Variants in KLHL1 observed in about 807,000 individuals in gnomAD.
The protein encoded by KLHL1 is kelch-like protein 1.
In KLHL1, 47 loss-of-function variants were observed where a neutral mutation model predicts 77.7. The observed-to-expected ratio is 0.60, with a 90% CI of 0.48 to 0.77. The LOEUF is 0.77. Ranked by LOEUF, KLHL1 falls within the 30% of genes least tolerant of loss-of-function variation. The probability of loss-of-function intolerance (pLI) is 0.00; values close to 1 mark genes in which losing one functional copy is unlikely to be tolerated. For missense variants in KLHL1, 925 were observed against 910.8 expected (o/e 1.02, Z -0.20); for synonymous variants, 360 against 325.2 (o/e 1.11, Z -1.15).
rs1887148691 is a variant in KLHL1 at position 70,072,006 on chromosome 13, G to A, written c.497+35197C>T. Among the ~76,000 whole-genome samples, 4 of 151,834 alleles carry A rather than the reference G, an allele frequency of 2.6e-5. No homozygotes were observed. In the South Asian group the frequency reaches 8.3e-4, roughly 31 times the overall value. On this transcript the variant is annotated intron_variant, in intron 1 of 10. Transcript: ENST00000377844. ...TTGAAACCAGGAAAACAAAAACAGG[G>A]AAGATCAAAGAAACCAAAAGCTAGC...
intron 10 of KLHL1, 130 bp downstream of exon 10, chr13:69,707,495 A>G (rs1875676855): frequency 4.0e-6 from 3 of 750,092 alleles, no homozygotes; most frequent in East Asian, 5.6e-5. Flanking sequence ...TCAACACAAT[A>G]TTGGATAAAA....
chr13:69,846,218 T>A (rs1368585275), intron 5 of KLHL1, among the ~76,000 whole-genome samples: 2 of 151,562 alleles, frequency 1.3e-5, no homozygotes, highest in East Asian at 3.9e-4. Context: ...ACAGGCAATA[T>A]GTTCTTTCGT....
At chr13:70,056,904 G>A (rs1886756727) in intron 1 of KLHL1, among the ~76,000 whole-genome samples, 1 of 151,896 alleles carries the variant, frequency 6.6e-6, no homozygotes, top group Non-Finnish European at 1.5e-5. Flanking sequence ...TCATTTTAAA[G>A]AACTAGAAAA....
At position 69,996,164 on chromosome 13, in the gene KLHL1, A is replaced by G. The variant is rs151225953; in HGVS notation, c.498-20362T>C. 3.6e-3 allele frequency among the ~76,000 whole-genome samples: 543 copies of G among 152,084 alleles called. 5 individuals carry two copies. The highest frequency in any genetic ancestry group is 0.012 in the African/African-American group (513 of 41,524). On this transcript the variant is annotated intron_variant, in intron 1 of 10. Transcript: ENST00000377844. ...CTAAAAATACAAAAATTAGCTGCGC[A>G]TGGTAGCATGTCCCTATAATCCCAG...
At chr13:69,813,198 A>G (rs1239507214) in intron 6 of KLHL1, among the ~76,000 whole-genome samples, 1 of 152,060 alleles carries the variant, frequency 6.6e-6, no homozygotes, top group Non-Finnish European at 1.5e-5. Context: ...GCTGGAAACC[A>G]TCATTCTCAG....
intron 10 of KLHL1, among the ~76,000 whole-genome samples, chr13:69,704,049 G>A (rs1875519514): frequency 6.6e-6 from 1 of 151,658 alleles, no homozygotes; most frequent in African/African-American, 2.4e-5. Flanking sequence ...GCTCCCTGAT[G>A]TCCATTCAAT....
chr13:69,886,617 TTG>T (rs1881229728), intron 4 of KLHL1, among the ~76,000 whole-genome samples: 1 of 152,230 alleles, frequency 6.6e-6, no homozygotes, highest in Admixed American at 6.5e-5. Flanking sequence ...TATCATCTCT[TTG>T]TTATTAAGTT....
chr13:70,034,774 T>C (rs1323864613), intron 1 of KLHL1, among the ~76,000 whole-genome samples: 2 of 152,178 alleles, frequency 1.3e-5, no homozygotes, highest in Non-Finnish European at 2.9e-5. Flanking sequence ...CTAGAGTTCT[T>C]AAACAGCTAT....
chr13:69,785,719 GCTGCTTT>G lies in KLHL1; in HGVS notation c.1639+11012_1639+11018del, dbSNP rs1277014512. ...CTTCAAAAAATTAATGAATCCAGGA[GCTGCTTT>G]TTGAAAAGATCAACAAAATCGATAG... On this transcript the variant is annotated intron_variant, in intron 7 of 10. Transcript: ENST00000377844. Among the ~76,000 whole-genome samples, 65 of 152,180 alleles carry G rather than the reference GCTGCTTT, an allele frequency of 4.3e-4. 2 individuals carry two copies. Among genetic ancestry groups the G allele is most frequent in the South Asian group, 2.1e-3 (10 of 4,808 alleles).
In KLHL1 at chr13:69,961,377, G is replaced by T. The variant is rs746355020; in HGVS notation, c.748C>A (p.Gln250Lys). The T allele has an allele frequency of 6.2e-7, 1 of 1,613,036 alleles. No individual in the cohort carries two copies. The highest frequency in any genetic ancestry group is 8.5e-7 in the Non-Finnish European group (1 of 1,179,386). The change falls in exon 3 of 11, where the codon CAA (glutamine) becomes AAA (lysine). Residue 250 changes from glutamine to lysine, a missense_variant. Gln to Lys is a moderately conservative substitution (Grantham distance 53, BLOSUM62 1). Coordinates refer to ENST00000377844, the MANE Select transcript of KLHL1 (RefSeq NM_020866.3). ...ATGCCTTCCATTTTGATCTCCTCTT[G>T]CTTGGCTTCACAAACATCACTTGTA... ...MFTSDVCEAK[Q>K]EEIKMEGIDP...
At position 70,107,424 on chromosome 13, in the gene KLHL1, C is replaced by T; in HGVS notation, c.276G>A (p.Leu92=). 2 of 1,611,836 alleles carry T rather than the reference C, an allele frequency of 1.2e-6. No homozygotes were observed. Among genetic ancestry groups the T allele is most frequent in the African/African-American group, 1.4e-5 (1 of 72,996 alleles). Residue 92 remains leucine, a synonymous_variant, in exon 1 of 11, where the codon CTG becomes CTA. Coordinates refer to ENST00000377844, the MANE Select transcript of KLHL1 (RefSeq NM_020866.3). ...TGGCAACTGGAAGCAGGGTGCCATT[C>T]AGCGGATTGAAGGAAGAGGAGGAAG... ...PSSSSSSFNP[L]NGTLLPVATR...
intron 7 of KLHL1, among the ~76,000 whole-genome samples, chr13:69,770,639 A>C (rs1030006366): frequency 3.3e-5 from 5 of 152,186 alleles, no homozygotes. Flanking sequence ...GTCCTAAGAC[A>C]TTAATCTTTC....
At chr13:69,930,171 C>T (rs918581278) in intron 4 of KLHL1, among the ~76,000 whole-genome samples, 2 of 151,758 alleles carry the variant, frequency 1.3e-5, no homozygotes, top group African/African-American at 4.8e-5. Flanking sequence ...TGAAATAAAT[C>T]ACTCATATTT....
chr13:69,912,196 C>T (rs1389468242), intron 4 of KLHL1, among the ~76,000 whole-genome samples: 3 of 152,116 alleles, frequency 2.0e-5, no homozygotes, highest in Non-Finnish European at 4.4e-5. Flanking sequence ...TTACTCAAAG[C>T]TTCTGTTTGC....
At chr13:70,060,393 A>T (rs1886850179) in intron 1 of KLHL1, among the ~76,000 whole-genome samples, 1 of 152,154 alleles carries the variant, frequency 6.6e-6, no homozygotes, top group Non-Finnish European at 1.5e-5. Flanking sequence ...CTAGAATATG[A>T]TCTAGCAATC....
chr13:69,883,903 A>G (rs1881098332), intron 4 of KLHL1, among the ~76,000 whole-genome samples: 1 of 152,138 alleles, frequency 6.6e-6, no homozygotes, highest in Admixed American at 6.5e-5. Flanking sequence ...GACAGCTCCA[A>G]GACATAGCAA....
chr13:69,916,950 T>C (rs1340734741), intron 4 of KLHL1, among the ~76,000 whole-genome samples: 1 of 151,196 alleles, frequency 6.6e-6, no homozygotes, highest in Non-Finnish European at 1.5e-5. Context: ...TGCAGAAGAG[T>C]GTGTAGGCTA....
chr13:69,737,614 T>C (rs1431224237), intron 8 of KLHL1, among the ~76,000 whole-genome samples: 1 of 152,214 alleles, frequency 6.6e-6, no homozygotes, highest in Non-Finnish European at 1.5e-5. Context: ...ACACAGTGAC[T>C]GGGTCAGTTC....
At chr13:69,966,458 T>G (rs1712331874) in intron 2 of KLHL1, among the ~76,000 whole-genome samples, 2 of 152,168 alleles carry the variant, frequency 1.3e-5, no homozygotes, top group South Asian at 2.1e-4. Context: ...ATTGACAATG[T>G]TCCTGGTTGC....
Sources: gnomAD v4.1 joint callset for allele counts (sites outside exome capture counted in the v4.1 genomes callset) on GRCh38, gnomAD v4.1.1 for gene constraint, MANE v1.5 for transcripts, NCBI Gene and HGNC (gene_info 2026-07-23, HGNC 2026-07-21) for gene names.